Variants in FSHR observed in about 807,000 individuals in gnomAD.
FSHR encodes the protein follicle-stimulating hormone receptor.
A neutral mutation model predicts 52.1 loss-of-function variants in FSHR; 46 were observed. That is an observed-to-expected ratio of 0.88 (90% CI 0.70 to 1.13). FSHR has a LOEUF of 1.13. Ranked by LOEUF, FSHR falls within the 50% of genes most tolerant of loss-of-function variation. The probability of loss-of-function intolerance (pLI) is 0.00; values close to 1 mark genes in which losing one functional copy is unlikely to be tolerated. For synonymous variants in FSHR, 399 were observed against 309.6 expected (o/e 1.29, Z -3.03); for missense variants, 964 against 834.6 (o/e 1.16, Z -1.91).
chr2:49,065,337 A>T (rs1419292052), intron 2 of FSHR, among the ~76,000 whole-genome samples: 1 of 152,120 alleles, frequency 6.6e-6, no homozygotes, highest in Non-Finnish European at 1.5e-5. Flanking sequence ...ACAGTAGGTT[A>T]TGTAAGTGAT....
At chr2:49,015,693 G>A (rs2104204969) in intron 4 of FSHR, among the ~76,000 whole-genome samples, 1 of 152,262 alleles carries the variant, frequency 6.6e-6, no homozygotes, top group East Asian at 1.9e-4. Context: ...CCATCCCTAA[G>A]GAACATGATG....
At chr2:48,980,165 G>A (rs1057492816) in intron 8 of FSHR, among the ~76,000 whole-genome samples, 5 of 152,172 alleles carry the variant, frequency 3.3e-5, no homozygotes, top group African/African-American at 1.2e-4. Flanking sequence ...TGGCCCCAGG[G>A]GGAAAAGAGG....
chr2:48,964,038 C>T, intron 9 of FSHR, 72 bp from the exon 10 acceptor site: 2 of 1,481,838 alleles, frequency 1.3e-6, no homozygotes, highest in Non-Finnish European at 1.9e-6. Context: ...TGTCTTTGTG[C>T]AGGGTAGAAA....
In FSHR at chr2:49,021,286, A is replaced by G. The variant is rs1167216396; in HGVS notation, c.225-1126T>C. ...TTGAGGGCAGAAGAGAATGAAGTCC[A>G]CTAGGCAGAAGCCCAGAGGTTGTGA... On this transcript the variant is annotated intron_variant, in intron 2 of 9. Transcript: ENST00000406846. 2.6e-5 allele frequency among the ~76,000 whole-genome samples: 4 copies of G among 152,152 alleles called. No homozygotes were observed. The East Asian group carries it at 7.7e-4, about 29-fold the overall frequency.
In FSHR at chr2:49,127,812, T is replaced by C. The variant is rs866978313; in HGVS notation, c.152+26454A>G. Among the ~76,000 whole-genome samples, 55 of 56,490 alleles carry C rather than the reference T, an allele frequency of 9.7e-4. 1 individual carries two copies. The highest frequency in any genetic ancestry group is 2.0e-3 in the African/African-American group (27 of 13,208). The allele number at this position is 56,490 out of a possible 152,430, so 37.1% of individuals were successfully genotyped here. A position where few individuals can be genotyped will look rare whatever the true frequency, so the allele number is the denominator to read the frequency against. On this transcript the variant is annotated intron_variant, in intron 1 of 9. Transcript: ENST00000406846. ...CTTCTTCTTCTTCTTCTTCTTCTTC[T>C]TCTTCTTCTTCTTCTTCCTCTTCTT...
At chr2:49,152,515 C>A (rs1376201795) in intron 1 of FSHR, among the ~76,000 whole-genome samples, 1 of 151,248 alleles carries the variant, frequency 6.6e-6, no homozygotes, top group Non-Finnish European at 1.5e-5. Context: ...TCTCTTTTTC[C>A]CTTTTTCCCT....
At chr2:49,148,975 G>A (rs931655141) in intron 1 of FSHR, among the ~76,000 whole-genome samples, 1 of 151,872 alleles carries the variant, frequency 6.6e-6, no homozygotes, top group African/African-American at 2.4e-5. Context: ...GGAGAAAAGA[G>A]GGATTGATAA....
intron 1 of FSHR, among the ~76,000 whole-genome samples, chr2:49,104,427 G>A (rs909579912): frequency 1.3e-5 from 2 of 152,072 alleles, no homozygotes; most frequent in African/African-American, 4.8e-5. Flanking sequence ...AATTCACCAT[G>A]GAAAGTTGTT....
chr2:48,978,590 C>T (rs1344583791), intron 8 of FSHR, among the ~76,000 whole-genome samples: 1 of 152,168 alleles, frequency 6.6e-6, no homozygotes, highest in Non-Finnish European at 1.5e-5. Context: ...AAACTGTTTC[C>T]CAAAGAAACA....
At chr2:49,153,338 G>A (rs1415082702) in intron 1 of FSHR, among the ~76,000 whole-genome samples, 2 of 152,152 alleles carry the variant, frequency 1.3e-5, no homozygotes, top group African/African-American at 2.4e-5. Context: ...GTCCCAACTT[G>A]CCAGTTCTCA....
intron 1 of FSHR, among the ~76,000 whole-genome samples, chr2:49,074,317 C>G (rs928956689): frequency 5.3e-5 from 8 of 151,968 alleles, no homozygotes; most frequent in African/African-American, 1.9e-4. Flanking sequence ...AACATCTCAA[C>G]AGCAAAAAAA....
At chr2:49,024,520 G>A (rs1018747394) in intron 2 of FSHR, among the ~76,000 whole-genome samples, 1 of 152,148 alleles carries the variant, frequency 6.6e-6, no homozygotes, top group African/African-American at 2.4e-5. Flanking sequence ...GCAGTGAGCC[G>A]AGACTGTGCC....
At chr2:49,014,745 G>T in intron 4 of FSHR, 1 of 278,082 alleles carries the variant, frequency 3.6e-6, no homozygotes, top group Non-Finnish European at 7.4e-6. Context: ...CATGGGCTAG[G>T]GATATCTATG....
chr2:49,011,496 A>G (rs905836849), intron 4 of FSHR, among the ~76,000 whole-genome samples: 5 of 152,058 alleles, frequency 3.3e-5, no homozygotes, highest in African/African-American at 7.2e-5. Context: ...TGAAAAAAAT[A>G]TATATTCTGT....
chr2:48,988,579 A>G (rs996838901), intron 6 of FSHR, among the ~76,000 whole-genome samples: 1 of 152,234 alleles, frequency 6.6e-6, no homozygotes, highest in African/African-American at 2.4e-5. Flanking sequence ...CTGAACAGGA[A>G]CTGCTTGGCA....
chr2:49,095,741 G>T (rs1177941621), intron 1 of FSHR, among the ~76,000 whole-genome samples: 5 of 152,206 alleles, frequency 3.3e-5, no homozygotes, highest in Admixed American at 3.3e-4. Flanking sequence ...CTTTTATCAA[G>T]AATATATGAA....
chr2:49,015,447 C>G (rs1352339736), intron 4 of FSHR, among the ~76,000 whole-genome samples: 3 of 152,114 alleles, frequency 2.0e-5, no homozygotes, highest in Non-Finnish European at 4.4e-5. Context: ...TTTTTGAGCA[C>G]TTCGTATTTG....
At chr2:49,127,605 A>G (rs1283249925) in intron 1 of FSHR, among the ~76,000 whole-genome samples, 2 of 151,866 alleles carry the variant, frequency 1.3e-5, no homozygotes, top group Admixed American at 6.6e-5. Flanking sequence ...GCACAGGTCT[A>G]CTGACATCCG....
chr2:49,054,678 G>A (rs990916671), intron 2 of FSHR, among the ~76,000 whole-genome samples: 1 of 150,626 alleles, frequency 6.6e-6, no homozygotes, highest in African/African-American at 2.5e-5. Context: ...CCTGTGACCT[G>A]ACAGACAGTC....
Sources: gnomAD v4.1 joint callset for allele counts (sites outside exome capture counted in the v4.1 genomes callset) on GRCh38, gnomAD v4.1.1 for gene constraint, MANE v1.5 for transcripts, NCBI Gene and HGNC (gene_info 2026-07-23, HGNC 2026-07-21) for gene names.